Variants in ATAD2B observed in about 807,000 individuals in gnomAD.
ATAD2B encodes the protein ATPase family AAA domain-containing protein 2B.
In ATAD2B, 40 loss-of-function variants were observed where a neutral mutation model predicts 167.6. The ratio of observed to expected loss-of-function variants is 0.24; its 90% CI spans 0.19 to 0.31. The LOEUF (loss-of-function observed/expected upper bound fraction) is 0.31. ATAD2B is among the 10% of genes least tolerant of loss of function. The pLI is 1.00. For synonymous variants in ATAD2B, 579 were observed against 596.5 expected (o/e 0.97, Z 0.43); for missense variants, 1,242 against 1,757.2 (o/e 0.71, Z 5.24).
intron 13 of ATAD2B, among the ~76,000 whole-genome samples, chr2:23,843,847 C>A (rs1262172976): frequency 6.6e-6 from 1 of 152,142 alleles, no homozygotes; most frequent in Non-Finnish European, 1.5e-5. Flanking sequence ...AAGGTCATTG[C>A]CCATAAATAC....
intron 2 of ATAD2B, among the ~76,000 whole-genome samples, chr2:23,890,317 C>A (rs553016428): frequency 2.0e-5 from 3 of 152,006 alleles, no homozygotes; most frequent in Non-Finnish European, 4.4e-5. Context: ...AAAATCTAGC[C>A]CCCCCGCCTT....
At position 23,911,427 on chromosome 2, in the gene ATAD2B, T is replaced by C. The variant is rs1443357254; in HGVS notation, c.216+15128A>G. Among the ~76,000 whole-genome samples, 6 of 152,014 alleles carry C rather than the reference T, an allele frequency of 3.9e-5. No homozygotes were observed. In the East Asian group the frequency reaches 9.7e-4, roughly 25 times the overall value. ...AAAATTAGCCAGGCGTAGTGGCACA[T>C]GCTTGTAGTCCCAGCTACTTGGGAG... On this transcript the variant is annotated intron_variant, in intron 1 of 27. Transcript: ENST00000238789.
chr2:23,703,879 G>A, the ATAD2B span: 18 of 1,532,560 alleles, frequency 1.2e-5, no homozygotes, highest in African/African-American at 5.5e-5. Flanking sequence ...AGGCTGCGGC[G>A]CCTTGACTAG....
chr2:23,785,955 CA>C (rs1558529508), intron 21 of ATAD2B, 71 bp downstream of exon 21: 6 of 1,355,638 alleles, frequency 4.4e-6, no homozygotes, highest in African/African-American at 3.0e-5. Flanking sequence ...TTTTTCCTTC[CA>C]AAAAAAGATG....
intron 1 of ATAD2B, among the ~76,000 whole-genome samples, chr2:23,909,518 T>C (rs997903043): frequency 2.0e-5 from 3 of 151,756 alleles, no homozygotes; most frequent in African/African-American, 7.3e-5. Flanking sequence ...TACACACACA[T>C]TGCACATGTA....
At chr2:23,691,938 T>A in the ATAD2B span, 1 of 1,489,032 alleles carries the variant, frequency 6.7e-7, no homozygotes. Flanking sequence ...GAGAACTCCA[T>A]AAACAGCAAG....
intron 17 of ATAD2B, among the ~76,000 whole-genome samples, chr2:23,818,988 A>G (rs531948539): frequency 2.3e-4 from 35 of 152,366 alleles, no homozygotes; most frequent in African/African-American, 8.4e-4. Context: ...TTACTGAACA[A>G]TTTCTAAATC....
chr2:23,744,963 T>C (rs1674746815), downstream of ATAD2B, among the ~76,000 whole-genome samples: 1 of 152,178 alleles, frequency 6.6e-6, no homozygotes, highest in East Asian at 1.9e-4. Flanking sequence ...TTCTCTGTGG[T>C]ATTCTACTAT....
intron 8 of ATAD2B, among the ~76,000 whole-genome samples, chr2:23,875,078 CAG>C (rs1491143554): frequency 2.6e-4 from 38 of 143,880 alleles, no homozygotes; most frequent in African/African-American, 9.2e-4. Flanking sequence ...AAAGGATAAT[CAG>C]GGGGAAAAAG....
At chr2:23,888,040 A>AG in intron 3 of ATAD2B, 55 bp from the exon 4 acceptor site, 2 of 1,304,288 alleles carry the variant, frequency 1.5e-6, no homozygotes, top group Non-Finnish European at 2.0e-6. Flanking sequence ...AAGACAGAAA[A>AG]GAAAAAAAAA....
At chr2:23,686,361 G>A in the ATAD2B span, among the ~76,000 whole-genome samples, 7 of 152,284 alleles carry the variant, frequency 4.6e-5, no homozygotes, top group African/African-American at 1.7e-4. Flanking sequence ...ACCTTGGCAG[G>A]TAGGAGACCT....
chr2:23,743,872 T>G (rs1365931402), downstream of ATAD2B, among the ~76,000 whole-genome samples: 2 of 152,240 alleles, frequency 1.3e-5, no homozygotes, highest in African/African-American at 4.8e-5. Flanking sequence ...AGGATCCTTC[T>G]GCCTCAGCCT....
chr2:23,889,854 T>A (rs7594221), intron 2 of ATAD2B, among the ~76,000 whole-genome samples: 112,582 of 150,356 alleles, frequency 0.75, 42,345 homozygotes, highest in South Asian at 0.85. Flanking sequence ...AGGAGGCAGA[T>A]GTTGTAGTGA....
intron 18 of ATAD2B, among the ~76,000 whole-genome samples, chr2:23,799,660 T>C (rs999800045): frequency 6.6e-6 from 1 of 152,046 alleles, no homozygotes; most frequent in African/African-American, 2.4e-5. Flanking sequence ...GTATTATTTT[T>C]CTTTAATGAG....
the ATAD2B span, among the ~76,000 whole-genome samples, chr2:23,742,146 C>A: frequency 6.6e-6 from 1 of 152,116 alleles, no homozygotes. Context: ...GTCAGTGTGG[C>A]GATTCCTCAG....
In ATAD2B at chr2:23,900,402, T is replaced by C. The variant is rs72851389; in HGVS notation, c.217-4432A>G. ...TTATACTAGCTCATCCACTCCAACC[T>C]GGTATATTTACAGACTCCCAAGGTT... is the stretch of plus-strand genomic sequence containing the variant. On this transcript the variant is annotated intron_variant, in intron 1 of 27. Transcript: ENST00000238789. Among the ~76,000 whole-genome samples the C allele has an allele frequency of 9.7e-3, 1,471 of 152,196 alleles. 22 individuals carry two copies. The highest frequency in any genetic ancestry group is 0.034 in the African/African-American group (1,403 of 41,524).
At chr2:23,917,550 G>A (rs569982409) in intron 1 of ATAD2B, among the ~76,000 whole-genome samples, 3 of 151,280 alleles carry the variant, frequency 2.0e-5, no homozygotes, top group African/African-American at 7.3e-5. Flanking sequence ...AGTAGCACAA[G>A]TATACCTCTA....
At chr2:23,863,681 G>C in intron 11 of ATAD2B, 126 bp from the exon 12 acceptor site, 2 of 892,184 alleles carry the variant, frequency 2.2e-6, no homozygotes, top group Non-Finnish European at 3.3e-6. Context: ...CATTGATAAA[G>C]CTTTTTCCAG....
chr2:23,782,292 G>A (rs926707475), intron 22 of ATAD2B, among the ~76,000 whole-genome samples: 3 of 152,170 alleles, frequency 2.0e-5, no homozygotes, highest in Non-Finnish European at 4.4e-5. Context: ...GGTTCCCTAT[G>A]ACACATATTC....
Sources: gnomAD v4.1 joint callset for allele counts (sites outside exome capture counted in the v4.1 genomes callset) on GRCh38, gnomAD v4.1.1 for gene constraint, MANE v1.5 for transcripts, NCBI Gene and HGNC (gene_info 2026-07-23, HGNC 2026-07-21) for gene names.